PLEKHG7: variants seen among roughly 807,000 people sequenced by gnomAD.
The protein encoded by PLEKHG7 is pleckstrin homology domain-containing family G member 7.
Under a neutral mutation model 85.2 loss-of-function variants are expected in PLEKHG7, and 77 were observed. The ratio of observed to expected loss-of-function variants is 0.90; its 90% CI spans 0.75 to 1.09. The LOEUF is 1.09. Ranked by LOEUF, PLEKHG7 falls within the 50% of genes least tolerant of loss-of-function variation. The pLI is 0.00. For synonymous variants in PLEKHG7, 301 were observed against 302.4 expected (o/e 1.00, Z 0.05); for missense variants, 777 against 804.3 (o/e 0.97, Z 0.41).
At chr12:92,724,559 G>A (rs1871743253) in intron 3 of PLEKHG7, among the ~76,000 whole-genome samples, 1 of 152,172 alleles carries the variant, frequency 6.6e-6, no homozygotes, top group South Asian at 2.1e-4. Context: ...AATGACTTTA[G>A]CAAGGAAAGA....
chr12:92,734,946 T>G (rs920248373), intron 5 of PLEKHG7, among the ~76,000 whole-genome samples: 1 of 152,142 alleles, frequency 6.6e-6, no homozygotes, highest in Admixed American at 6.5e-5. Context: ...GCCACCACAA[T>G]GGAGGCAAGA....
At position 92,706,799 on chromosome 12, in the gene PLEKHG7, C is replaced by A. The variant is rs1871242742; in HGVS notation, c.168C>A (p.Thr56=). 3 of 1,614,014 alleles carry A rather than the reference C, an allele frequency of 1.9e-6. No homozygotes were observed. In the East Asian group the frequency reaches 6.7e-5, roughly 36 times the overall value. Reference sequence around the variant, plus strand: ...CGCCCACTTTGAGGAGATTAAGGACCCGTGGCTGTGGGACAAGGCAGGATG... The same window carrying A: ...CGCCCACTTTGAGGAGATTAAGGACACGTGGCTGTGGGACAAGGCAGGATG... ...STSPTLRRLR[T]RGCGTRQDAW... is the part of the protein sequence containing the mutation. Residue 56 remains threonine (T), a synonymous_variant, in exon 2 of 17, where the codon ACC becomes ACA. Coordinates refer to ENST00000344636, the MANE Select transcript of PLEKHG7 (RefSeq NM_001377329.1).
chr12:92,727,840 C>T (rs539319563), intron 3 of PLEKHG7, among the ~76,000 whole-genome samples: 8 of 151,770 alleles, frequency 5.3e-5, no homozygotes, highest in African/African-American at 1.9e-4. Context: ...ATACGCTCAC[C>T]TTGGCCTCCC....
chr12:92,762,377 T>C (rs138629420), intron 14 of PLEKHG7, among the ~76,000 whole-genome samples: 24 of 152,308 alleles, frequency 1.6e-4, no homozygotes, highest in Admixed American at 7.2e-4. Context: ...TCTACCTATA[T>C]AAAAAGTGTA....
chr12:92,733,542 CG>C (rs1293857354), intron 5 of PLEKHG7, among the ~76,000 whole-genome samples: 1 of 152,158 alleles, frequency 6.6e-6, no homozygotes, highest in Non-Finnish European at 1.5e-5. Context: ...CATTTAGAGA[CG>C]TGCTTTGTCT....
At chr12:92,770,060 T>C in intron 16 of PLEKHG7, 28 bp from the exon 17 acceptor site, 3 of 1,388,760 alleles carry the variant, frequency 2.2e-6, no homozygotes, top group Non-Finnish European at 3.0e-6. Context: ...TAATCTCTAT[T>C]TATGTATTTT....
At chr12:92,707,222 GC>G in intron 2 of PLEKHG7, 84 bp downstream of exon 2, 1 of 1,492,108 alleles carries the variant, frequency 6.7e-7, no homozygotes, top group Admixed American at 2.4e-5. Flanking sequence ...TCCCCCAAGG[GC>G]CAGTAGATCC....
intron 13 of PLEKHG7, 105 bp from the exon 14 acceptor site, chr12:92,761,647 A>AAAGAAAGAAAGAAAGAAAGAAAGG (rs1873022974): frequency 9.7e-7 from 1 of 1,034,620 alleles, no homozygotes; most frequent in Non-Finnish European, 1.3e-6. Context: ...AGAAAGAAAG[A>AAAGAAAGAAAGAAAGAAAGAAAGG]AAGAAAGAAA....
chr12:92,764,327 T>A (rs920431578), intron 15 of PLEKHG7, 133 bp downstream of exon 15: 2 of 882,886 alleles, frequency 2.3e-6, no homozygotes, highest in Middle Eastern at 3.7e-4. Flanking sequence ...TGTGTCTACA[T>A]ATCTTTCACT....
chr12:92,722,042 T>C (rs1031846802), intron 3 of PLEKHG7, among the ~76,000 whole-genome samples: 38 of 150,938 alleles, frequency 2.5e-4, no homozygotes, highest in African/African-American at 8.8e-4. Context: ...TTGGAGACAA[T>C]CCTGCATGAA....
At chr12:92,718,124 CT>C (rs1002925910) in intron 3 of PLEKHG7, among the ~76,000 whole-genome samples, 3 of 152,224 alleles carry the variant, frequency 2.0e-5, no homozygotes, top group African/African-American at 7.2e-5. Context: ...CTAGCACTGT[CT>C]GTTAACTGTA....
At chr12:92,703,418 G>T (rs1227195892) in intron 1 of PLEKHG7, among the ~76,000 whole-genome samples, 1 of 152,254 alleles carries the variant, frequency 6.6e-6, no homozygotes, top group Non-Finnish European at 1.5e-5. Context: ...GAGTTAGCAT[G>T]AATGGATTGA....
At chr12:92,737,619 G>C in intron 7 of PLEKHG7, 98 bp downstream of exon 7, 6 of 1,178,430 alleles carry the variant, frequency 5.1e-6, no homozygotes, top group Non-Finnish European at 7.1e-6. Flanking sequence ...AAAAGAAAGA[G>C]AGAAAAGAAA....
At chr12:92,741,023 TG>T (rs1469473856) in intron 8 of PLEKHG7, 75 bp downstream of exon 8, 6 of 1,046,264 alleles carry the variant, frequency 5.7e-6, no homozygotes, top group Non-Finnish European at 8.8e-6. Context: ...TCTGTTCTTA[TG>T]GCTTGTATGC....
At position 92,755,883 on chromosome 12, in the gene PLEKHG7, G is replaced by A. The variant is rs1872812567; in HGVS notation, c.1485G>A (p.Gln495=). The part of the protein sequence containing the change: ...LDNFQKFRYL[Q]EIIVWPPLWD... ...ATTTCCAAAAATTTAGATATCTACAGGAGATTATAGTGTGGCCACCGCTTT... is the reference window on the plus strand; with the variant it reads ...ATTTCCAAAAATTTAGATATCTACAAGAGATTATAGTGTGGCCACCGCTTT... The change falls in exon 12 of 17, where the codon CAG becomes CAA. Residue 495 remains glutamine, a synonymous_variant. Transcript: ENST00000344636. 2 of 1,613,624 alleles carry A rather than the reference G, an allele frequency of 1.2e-6. No individual in the cohort carries two copies. Among genetic ancestry groups the A allele is most frequent in the South Asian group, 1.1e-5 (1 of 90,970 alleles).
At chr12:92,767,427 C>T (rs1360980423) in intron 15 of PLEKHG7, among the ~76,000 whole-genome samples, 1 of 151,796 alleles carries the variant, frequency 6.6e-6, no homozygotes, top group African/African-American at 2.4e-5. Flanking sequence ...GAACAATGAC[C>T]TGATCTTTAA....
rs1449737523 is a variant in PLEKHG7, at chr12:92,772,051, G to T, written c.*1856G>T. On this transcript the variant is annotated 3_prime_UTR_variant, in exon 17 of 17. Transcript: ENST00000344636. The stretch of plus-strand genomic sequence containing the variant: ...CACATTCGAATGAAGGGATCACGGG[G>T]GTCAGAACAAAAACCATTCTAGAAC... The T allele has an allele frequency of 6.6e-6, 1 of 151,316 alleles. No homozygotes were observed. The highest frequency in any genetic ancestry group is 1.9e-4 in the East Asian group (1 of 5,160). The allele number at this position is 151,316 out of a possible 1,614,324, so 9.4% of individuals were successfully genotyped here. A position where few individuals can be genotyped will look rare whatever the true frequency, so the allele number is the denominator to read the frequency against.
intron 3 of PLEKHG7, chr12:92,721,490 C>T (rs80098601): frequency 0.012 from 14,647 of 1,226,268 alleles, 263 homozygotes; most frequent in African/African-American, 0.082. Context: ...CTAGTCCCTT[C>T]GGATCTGACC....
At chr12:92,740,171 T>TGA (rs1239736609) in intron 7 of PLEKHG7, among the ~76,000 whole-genome samples, 1 of 152,282 alleles carries the variant, frequency 6.6e-6, no homozygotes, top group Non-Finnish European at 1.5e-5. Context: ...TCCCTTTGAA[T>TGA]GCTTCCTGTC....
Sources: gnomAD v4.1 joint callset for allele counts (sites outside exome capture counted in the v4.1 genomes callset) on GRCh38, gnomAD v4.1.1 for gene constraint, MANE v1.5 for transcripts, NCBI Gene and HGNC (gene_info 2026-07-23, HGNC 2026-07-21) for gene names.